The following RIMBP2 variants were observed in gnomAD, a reference collection of about 807,000 sequenced individuals.
RIMBP2 encodes RIMS-binding protein 2.
Under a neutral mutation model 118.6 loss-of-function variants are expected in RIMBP2, and 48 were observed. The ratio of observed to expected loss-of-function variants is 0.40; its 90% CI spans 0.32 to 0.51. RIMBP2 has a LOEUF of 0.51. RIMBP2 is among the 20% of genes least tolerant of loss of function. The pLI, the probability that RIMBP2 is intolerant of heterozygous loss-of-function variation, is 0.41. For synonymous variants in RIMBP2, 762 were observed against 742.9 expected (o/e 1.03, Z -0.42); for missense variants, 1,551 against 1,768.3 (o/e 0.88, Z 2.20).
chr12:130,672,496 T>C (rs1267515395), intron 1 of RIMBP2, among the ~76,000 whole-genome samples: 1 of 152,212 alleles, frequency 6.6e-6, no homozygotes, highest in Non-Finnish European at 1.5e-5. Context: ...CTTAGGACCT[T>C]GTGTCTCCCA....
chr12:130,560,606 C>T (rs143285845), intron 2 of RIMBP2, among the ~76,000 whole-genome samples: 32 of 152,372 alleles, frequency 2.1e-4, no homozygotes, highest in African/African-American at 7.0e-4. Flanking sequence ...AACACAGCAA[C>T]GCTGACTCCT....
At chr12:130,527,718 T>C (rs1247237866) in intron 2 of RIMBP2, among the ~76,000 whole-genome samples, 1 of 148,594 alleles carries the variant, frequency 6.7e-6, no homozygotes, top group Non-Finnish European at 1.5e-5. Context: ...ATATCCAGAA[T>C]CTACAAGGAA....
At chr12:130,432,524 T>C (rs570074608) in intron 14 of RIMBP2, among the ~76,000 whole-genome samples, 10 of 152,256 alleles carry the variant, frequency 6.6e-5, no homozygotes, top group Non-Finnish European at 1.3e-4. Context: ...CCAGTGTGAC[T>C]TTATTTGGAG....
intron 2 of RIMBP2, among the ~76,000 whole-genome samples, chr12:130,612,154 A>T (rs1244782785): frequency 6.6e-6 from 1 of 151,814 alleles, no homozygotes; most frequent in Non-Finnish European, 1.5e-5. Flanking sequence ...TGGGCCAGAG[A>T]GGTGACCTCC....
intron 4 of RIMBP2, among the ~76,000 whole-genome samples, chr12:130,497,898 A>T (rs2049341384): frequency 6.6e-6 from 1 of 152,126 alleles, no homozygotes; most frequent in South Asian, 2.1e-4. Flanking sequence ...CGGTGGGGAG[A>T]TCCTTGTCTG....
At chr12:130,583,095 C>A (rs1054165079) in intron 2 of RIMBP2, among the ~76,000 whole-genome samples, 1 of 152,124 alleles carries the variant, frequency 6.6e-6, no homozygotes, top group African/African-American at 2.4e-5. Context: ...ATATCAAATG[C>A]CACCATCAAT....
chr12:130,427,879 G>T (rs1356612112), intron 15 of RIMBP2: 2 of 276,788 alleles, frequency 7.2e-6, no homozygotes, highest in Admixed American at 1.1e-4. Flanking sequence ...TGTGGAGGGG[G>T]TTCTTCTTTG....
chr12:130,506,443 G>A (rs1009191576), intron 4 of RIMBP2, among the ~76,000 whole-genome samples: 5 of 152,144 alleles, frequency 3.3e-5, no homozygotes, highest in Non-Finnish European at 1.5e-5. Context: ...GGCTTTACGG[G>A]ATTGCTTCCA....
At chr12:130,506,859 C>T (rs1054188191) in intron 3 of RIMBP2, 89 bp from the exon 4 acceptor site, 1 of 909,194 alleles carries the variant, frequency 1.1e-6, no homozygotes, top group Non-Finnish European at 1.3e-6. Flanking sequence ...GCAAAATCTT[C>T]AATTTCCTCC....
chr12:130,581,634 T>G lies in RIMBP2; in HGVS notation c.-217+46688A>C, dbSNP rs1233413089. Among the ~76,000 whole-genome samples the G allele has an allele frequency of 6.6e-6, 1 of 152,208 alleles. No homozygotes were observed. Among genetic ancestry groups the G allele is most frequent in the Non-Finnish European group, 1.5e-5 (1 of 68,040 alleles). ...TGTCGCCTTCCTTCCTCTGTTCTCTTTGTCCTGTGGACTCTGACTTCAGGA... is the reference window on the plus strand; with the variant it reads ...TGTCGCCTTCCTTCCTCTGTTCTCTGTGTCCTGTGGACTCTGACTTCAGGA... On this transcript the variant is annotated intron_variant, in intron 2 of 22. Coordinates refer to ENST00000690449, the MANE Select transcript of RIMBP2 (RefSeq NM_001393629.1). The surrounding 1 kb of genome is among the most constrained non-coding windows in gnomAD (Gnocchi z 4.4).
intron 1 of RIMBP2, among the ~76,000 whole-genome samples, chr12:130,638,745 G>C (rs140301173): frequency 9.5e-4 from 145 of 152,076 alleles, no homozygotes; most frequent in African/African-American, 3.4e-3. Context: ...TGCGGAAAAG[G>C]CAAAACTATG....
At chr12:130,479,342 C>T (rs1472682575) in intron 4 of RIMBP2, among the ~76,000 whole-genome samples, 7 of 152,242 alleles carry the variant, frequency 4.6e-5, no homozygotes, top group Non-Finnish European at 7.3e-5. Context: ...AATCTCCCTC[C>T]TGTGCCTTTT....
intron 4 of RIMBP2, among the ~76,000 whole-genome samples, chr12:130,501,343 C>A (rs890479888): frequency 6.6e-6 from 1 of 152,124 alleles, no homozygotes; most frequent in Non-Finnish European, 1.5e-5. Context: ...GCCAGATGCA[C>A]CTCCTCTCTC....
At chr12:130,491,595 C>T (rs1269061478) in intron 4 of RIMBP2, among the ~76,000 whole-genome samples, 1 of 152,206 alleles carries the variant, frequency 6.6e-6, no homozygotes, top group Non-Finnish European at 1.5e-5. Flanking sequence ...CTTCTCACAA[C>T]TTCCACAAGC....
intron 2 of RIMBP2, among the ~76,000 whole-genome samples, chr12:130,530,587 T>G (rs1350242456): frequency 6.6e-6 from 1 of 152,234 alleles, no homozygotes; most frequent in African/African-American, 2.4e-5. Context: ...GCTCTGAGCT[T>G]GCCAGCTGCT....
chr12:130,521,497 C>T (rs919311073), intron 2 of RIMBP2, among the ~76,000 whole-genome samples: 40 of 152,330 alleles, frequency 2.6e-4, no homozygotes, highest in African/African-American at 9.4e-4. Flanking sequence ...TAGGGGGAGG[C>T]ACCAGCACGT....
At chr12:130,638,905 C>T (rs1293003766) in intron 1 of RIMBP2, among the ~76,000 whole-genome samples, 1 of 152,034 alleles carries the variant, frequency 6.6e-6, no homozygotes, top group Non-Finnish European at 1.5e-5. Context: ...ATAGAATGCA[C>T]AAGACAAGGA....
In RIMBP2 at chr12:130,531,639, G is replaced by A. The variant is rs549225885; in HGVS notation, c.-216-13722C>T. Among the ~76,000 whole-genome samples the A allele has an allele frequency of 5.9e-5, 9 of 152,284 alleles. No homozygotes were observed. In the South Asian group the frequency reaches 1.2e-3, roughly 21 times the overall value. On this transcript the variant is annotated intron_variant, in intron 2 of 22. Transcript: ENST00000690449. ...TGCTGCAAAGAACATTCTTGAGCAC[G>A]TTTTCTTGGAGGCACATGTACATGT... is the stretch of plus-strand genomic sequence containing the variant.
intron 2 of RIMBP2, among the ~76,000 whole-genome samples, chr12:130,588,241 T>C (rs1374728021): frequency 2.0e-5 from 3 of 152,224 alleles, no homozygotes; most frequent in Non-Finnish European, 2.9e-5. Flanking sequence ...GCTTCATTTA[T>C]GAGTATTCCC....
Sources: gnomAD v4.1 joint callset for allele counts (sites outside exome capture counted in the v4.1 genomes callset) on GRCh38, gnomAD v4.1.1 for gene constraint, Gnocchi (gnomAD v3.1) non-coding constraint, MANE v1.5 for transcripts, NCBI Gene and HGNC (gene_info 2026-07-23, HGNC 2026-07-21) for gene names.